ROBO2: variants seen among roughly 807,000 people sequenced by gnomAD.
ROBO2 encodes roundabout homolog 2.
A neutral mutation model predicts 160.8 loss-of-function variants in ROBO2; 53 were observed. That is an observed-to-expected ratio of 0.33 (90% CI 0.26 to 0.41). The LOEUF (loss-of-function observed/expected upper bound fraction) is 0.41. Among genes scored for constraint, ROBO2 ranks in the 10% least tolerant of loss-of-function variants. The probability of loss-of-function intolerance (pLI) is 1.00; values close to 1 mark genes in which losing one functional copy is unlikely to be tolerated. For synonymous variants in ROBO2, 664 were observed against 611.7 expected (o/e 1.09, Z -1.26); for missense variants, 1,577 against 1,722.4 (o/e 0.92, Z 1.49).
intron 2 of ROBO2, among the ~76,000 whole-genome samples, chr3:76,787,201 G>T (rs748829001): frequency 7.9e-5 from 12 of 151,270 alleles, no homozygotes; most frequent in Non-Finnish European, 1.6e-4. Context: ...TGGGGACACA[G>T]AGCCAAACCA....
chr3:77,197,198 A>G (rs17769498), intron 2 of ROBO2, among the ~76,000 whole-genome samples: 29,797 of 152,126 alleles, frequency 0.2, 3,361 homozygotes, highest in Middle Eastern at 0.31. Flanking sequence ...ATTCCTCCAA[A>G]TTCCAAAGCT....
intron 2 of ROBO2, among the ~76,000 whole-genome samples, chr3:76,584,103 C>T (rs2085876187): frequency 1.3e-5 from 2 of 152,126 alleles, no homozygotes; most frequent in African/African-American, 4.8e-5. Context: ...TTTGCCTACC[C>T]TGGCTTCCTC....
chr3:77,565,223 G>C, intron 12 of ROBO2, 103 bp downstream of exon 13: 1 of 1,271,952 alleles, frequency 7.9e-7, no homozygotes, highest in South Asian at 1.2e-5. Context: ...GCATTGCTTT[G>C]TATGATGGCT....
chr3:77,223,799 T>C (rs1168669810), intron 2 of ROBO2, among the ~76,000 whole-genome samples: 1 of 152,088 alleles, frequency 6.6e-6, no homozygotes, highest in Non-Finnish European at 1.5e-5. Context: ...GAGAAGTATC[T>C]CATTTTTTCT....
chr3:76,282,845 A>C (rs72630391), intron 2 of ROBO2, among the ~76,000 whole-genome samples: 20,270 of 151,702 alleles, frequency 0.13, 2,130 homozygotes, highest in East Asian at 0.41. Flanking sequence ...CTCAGTAAGA[A>C]AACACACATA....
chr3:76,315,932 T>C (rs2071983968), intron 2 of ROBO2, among the ~76,000 whole-genome samples: 1 of 152,142 alleles, frequency 6.6e-6, no homozygotes, highest in Non-Finnish European at 1.5e-5. Flanking sequence ...AAGAGAGGAA[T>C]TTTACAGCTG....
chr3:76,700,319 C>T (rs1437512106), intron 2 of ROBO2, among the ~76,000 whole-genome samples: 1 of 152,114 alleles, frequency 6.6e-6, no homozygotes, highest in African/African-American at 2.4e-5. Context: ...ATATCCTTCC[C>T]AAAGAGCGAT....
At chr3:77,389,741 G>A (rs1325020762) in intron 2 of ROBO2, among the ~76,000 whole-genome samples, 4 of 142,684 alleles carry the variant, frequency 2.8e-5, no homozygotes, top group African/African-American at 7.9e-5. Context: ...CTTTTTGACC[G>A]AGTTCATTAA....
intron 2 of ROBO2, among the ~76,000 whole-genome samples, chr3:76,066,417 T>C (rs898975735): frequency 3.9e-5 from 6 of 152,146 alleles, no homozygotes; most frequent in African/African-American, 1.4e-4. Flanking sequence ...TTAACCTCTT[T>C]AGTTGTACAA....
intron 2 of ROBO2, among the ~76,000 whole-genome samples, chr3:76,603,615 G>A (rs78740908): frequency 0.12 from 18,169 of 151,358 alleles, 1,289 homozygotes; most frequent in East Asian, 0.26. Flanking sequence ...CTAGAAGTGT[G>A]TTTATATACC....
At chr3:76,059,678 G>T (rs975868018) in intron 2 of ROBO2, among the ~76,000 whole-genome samples, 4 of 152,110 alleles carry the variant, frequency 2.6e-5, no homozygotes, top group Middle Eastern at 6.8e-3. Context: ...GTCAATTTTG[G>T]CTTTTGTTGC....
intron 2 of ROBO2, among the ~76,000 whole-genome samples, chr3:76,423,849 C>A (rs752326764): frequency 6.6e-6 from 1 of 151,992 alleles, no homozygotes; most frequent in Non-Finnish European, 1.5e-5. Flanking sequence ...CATTGTGAGC[C>A]AGGTATTAAT....
chr3:76,754,909 A>G (rs148304605), intron 2 of ROBO2, among the ~76,000 whole-genome samples: 1 of 151,920 alleles, frequency 6.6e-6, no homozygotes, highest in East Asian at 2.0e-4. Context: ...AAATGTATGC[A>G]TTGTGAATTC....
At chr3:77,200,477 G>A (rs1452284001) in intron 2 of ROBO2, among the ~76,000 whole-genome samples, 1 of 150,834 alleles carries the variant, frequency 6.6e-6, no homozygotes, top group Non-Finnish European at 1.5e-5. Flanking sequence ...AAATTAAATG[G>A]GTATCACCCC....
chr3:77,243,597 G>A (rs2089334341), intron 2 of ROBO2, among the ~76,000 whole-genome samples: 1 of 152,142 alleles, frequency 6.6e-6, no homozygotes, highest in Non-Finnish European at 1.5e-5. Flanking sequence ...CTTGGGAGAT[G>A]CATTGGTGCT....
intron 2 of ROBO2, among the ~76,000 whole-genome samples, chr3:77,295,918 A>AC (rs201860286): frequency 2.0e-4 from 25 of 122,812 alleles, no homozygotes; most frequent in African/African-American, 6.1e-4. Context: ...AGGCTAGATC[A>AC]CCCAGGCATA....
chr3:76,417,516 A>G (rs1255644110), intron 2 of ROBO2, among the ~76,000 whole-genome samples: 3 of 152,208 alleles, frequency 2.0e-5, no homozygotes, highest in Non-Finnish European at 4.4e-5. Flanking sequence ...TTTCTCCTTC[A>G]TAAGGAGTTT....
intron 2 of ROBO2, among the ~76,000 whole-genome samples, chr3:76,559,762 A>C (rs554429935): frequency 6.6e-6 from 1 of 152,138 alleles, no homozygotes; most frequent in Non-Finnish European, 1.5e-5. Context: ...TGTCATATGG[A>C]TAAGCAACTA....
chr3:77,603,149 A>G (rs2153693245), intron 20 of ROBO2: 1 of 443,420 alleles, frequency 2.3e-6, no homozygotes, highest in Middle Eastern at 3.3e-4. Context: ...ACTGAATCAC[A>G]GCTCACTGTC....
Sources: gnomAD v4.1 joint callset for allele counts (sites outside exome capture counted in the v4.1 genomes callset) on GRCh38, gnomAD v4.1.1 for gene constraint, MANE v1.5 for transcripts, NCBI Gene and HGNC (gene_info 2026-07-23, HGNC 2026-07-21) for gene names.